RAD54L2: variants seen among roughly 807,000 people sequenced by gnomAD.
RAD54L2 encodes helicase ARIP4.
RAD54L2 carries 27 observed loss-of-function variants against 138.4 expected under a neutral mutation model. That is an observed-to-expected ratio of 0.20 (90% confidence interval 0.14 to 0.27). The LOEUF (loss-of-function observed/expected upper bound fraction) is 0.27, where lower values mean the gene tolerates loss of function less well. Ranked by LOEUF, RAD54L2 falls within the 10% of genes least tolerant of loss-of-function variation. The probability of loss-of-function intolerance (pLI) is 1.00; values close to 1 mark genes in which losing one functional copy is unlikely to be tolerated. For missense variants in RAD54L2, 1,396 were observed against 1,890.2 expected, an observed-to-expected ratio of 0.74 and a Z score of 4.85; for synonymous variants, 644 against 723.2, an observed-to-expected ratio of 0.89 and a Z score of 1.76.
intron 2 of RAD54L2, among the ~76,000 whole-genome samples, chr3:51,579,133 T>C (rs1050428915): frequency 6.6e-6 from 1 of 150,894 alleles, no homozygotes; most frequent in African/African-American, 2.4e-5. Flanking sequence ...CACACCTGCT[T>C]CTCCTCTCTC....
In RAD54L2 at chr3:51,630,386, A is replaced by G. The variant is rs759584593; in HGVS notation, c.596A>G (p.Asp199Gly). Residue 199 changes from aspartate to glycine, a missense_variant and splice_region_variant, in exon 6 of 23, where the codon GAT (aspartate) becomes GGT (glycine). Physicochemically the swap from Asp to Gly is moderately conservative, Grantham distance 94. Coordinates refer to ENST00000684192, the MANE Select transcript of RAD54L2 (RefSeq NM_015106.4). ...AGTGAGGATGAAAAAAGCAGTCGAG[A>G]TGGTAAGATCAAACCAGGTGCCTCC... ...SGSEDEKSSR[D>G]EVIELSSGEE... 1 of 1,612,898 alleles carries G rather than the reference A, an allele frequency of 6.2e-7. No homozygotes were observed.
chr3:51,629,216 C>A, intron 4 of RAD54L2, 118 bp from the exon 5 acceptor site: 1 of 1,156,282 alleles, frequency 8.6e-7, no homozygotes, highest in Non-Finnish European at 1.2e-6. Flanking sequence ...GCTGATGTGG[C>A]TTCTCCTTCT....
rs1701246507 is a variant in RAD54L2 at position 51,645,173 on chromosome 3, A to G, written c.2600A>G (p.Asp867Gly). Residue 867 changes from aspartate (D) to glycine (G), a missense_variant, in exon 17 of 23, where the codon GAT becomes GGT. Physicochemically the swap from Asp to Gly is moderately conservative, Grantham distance 94 (BLOSUM62 -1). Around this residue, in one of 7 missense-constraint regions of RAD54L2, gnomAD observed 78 missense variants for 171.6 expected, o/e 0.45. Coordinates refer to ENST00000684192, the MANE Select transcript of RAD54L2 (RefSeq NM_015106.4). The surrounding 1 kb of genome is among the most constrained non-coding windows in gnomAD (Gnocchi z 6.1). ...TGTTACATCTATCGCCTTGTGGCTG[A>G]TTACACTCTAGAAAAGAAGATCTAT... ...KPCYIYRLVA[D>G]YTLEKKIYDR... 1.2e-6 allele frequency: 2 copies of G among 1,613,760 alleles called. No homozygotes were observed. Among genetic ancestry groups the G allele is most frequent in the Non-Finnish European group, 8.5e-7 (1 of 1,179,872 alleles).
At chr3:51,564,108 T>G (rs966421724) in intron 2 of RAD54L2, among the ~76,000 whole-genome samples, 3 of 152,230 alleles carry the variant, frequency 2.0e-5, no homozygotes, top group Non-Finnish European at 4.4e-5. Context: ...ATACAAACCC[T>G]TCTCAAGGGT....
intron 3 of RAD54L2, among the ~76,000 whole-genome samples, chr3:51,601,647 T>A (rs1424030269): frequency 6.6e-6 from 1 of 152,010 alleles, no homozygotes; most frequent in Admixed American, 6.6e-5. Flanking sequence ...TTTCACCATG[T>A]TGGCCAGGCT....
At chr3:51,641,999 G>A in intron 15 of RAD54L2, 132 bp downstream of exon 15, 1 of 674,914 alleles carries the variant, frequency 1.5e-6, no homozygotes, top group Non-Finnish European at 2.6e-6. Context: ...AGGAGCAGGG[G>A]GATACTAAGA....
At chr3:51,579,858 A>C (rs972233055) in intron 2 of RAD54L2, among the ~76,000 whole-genome samples, 1 of 152,126 alleles carries the variant, frequency 6.6e-6, no homozygotes, top group Non-Finnish European at 1.5e-5. Flanking sequence ...CCATCTTCAA[A>C]CTTTCTGTTG....
chr3:51,644,242 T>C (rs1190758127), intron 16 of RAD54L2, among the ~76,000 whole-genome samples: 1 of 152,170 alleles, frequency 6.6e-6, no homozygotes, highest in East Asian at 1.9e-4. Context: ...GGAGGATTGC[T>C]TGAACCCAGG....
intron 2 of RAD54L2, among the ~76,000 whole-genome samples, chr3:51,571,300 C>G (rs999232125): frequency 6.6e-6 from 1 of 151,846 alleles, no homozygotes; most frequent in Non-Finnish European, 1.5e-5. Flanking sequence ...ATTTCCTGAC[C>G]ATAAGGTCCT....
chr3:51,607,062 CTTTT>C (rs947090463), intron 3 of RAD54L2, among the ~76,000 whole-genome samples: 1 of 138,890 alleles, frequency 7.2e-6, no homozygotes, highest in Non-Finnish European at 1.6e-5. Flanking sequence ...TTGGATTTCT[CTTTT>C]TATTTTTTTT....
intron 2 of RAD54L2, among the ~76,000 whole-genome samples, chr3:51,567,540 A>G (rs1699244637): frequency 6.6e-6 from 1 of 152,076 alleles, no homozygotes; most frequent in Non-Finnish European, 1.5e-5. Flanking sequence ...GACATACTTA[A>G]TCTTGGTTTG....
At chr3:51,594,232 C>A (rs1699906284) in intron 3 of RAD54L2, among the ~76,000 whole-genome samples, 2 of 151,946 alleles carry the variant, frequency 1.3e-5, no homozygotes, top group African/African-American at 2.4e-5. Flanking sequence ...CACCACTATG[C>A]CTGGCTAAGT....
chr3:51,668,375 T>G lies in RAD54L2; in HGVS notation c.*4955T>G, dbSNP rs542767063. ...TGGCACCTGGCTTTGGTTTTCCGTC[T>G]TCTTTCCTCAGGACGCCCCTGAGGC... On this transcript the variant is annotated 3_prime_UTR_variant, in exon 23 of 23. Coordinates refer to ENST00000684192, the MANE Select transcript of RAD54L2 (RefSeq NM_015106.4). 22 of 152,320 alleles carry G rather than the reference T, an allele frequency of 1.4e-4. No individual in the cohort carries two copies. The highest frequency in any genetic ancestry group is 4.6e-4 in the African/African-American group (19 of 41,552). 9.4% of individuals were successfully genotyped at this position (152,320 alleles called of 1,614,324 possible). A position where few individuals can be genotyped will look rare whatever the true frequency, so the allele number is the denominator to read the frequency against.
At chr3:51,592,535 A>G (rs1699860848) in intron 3 of RAD54L2, among the ~76,000 whole-genome samples, 1 of 152,030 alleles carries the variant, frequency 6.6e-6, no homozygotes, top group Non-Finnish European at 1.5e-5. Context: ...AGCCACAAAA[A>G]TAAAAGTAAT....
chr3:51,629,979 A>C (rs557644057), intron 5 of RAD54L2, among the ~76,000 whole-genome samples: 16 of 152,350 alleles, frequency 1.1e-4, no homozygotes, highest in Middle Eastern at 3.4e-3. Context: ...AAAATGAATA[A>C]AAATGTACTC....
chr3:51,602,234 G>T (rs1414961964), intron 3 of RAD54L2, among the ~76,000 whole-genome samples: 1 of 152,020 alleles, frequency 6.6e-6, no homozygotes, highest in African/African-American at 2.4e-5. Context: ...GTCTTTGTGG[G>T]GCATGTGCTT....
intron 3 of RAD54L2, among the ~76,000 whole-genome samples, chr3:51,610,955 T>A (rs867827891): frequency 6.6e-6 from 1 of 152,232 alleles, no homozygotes; most frequent in African/African-American, 2.4e-5. Flanking sequence ...CTTTAGTGAT[T>A]CTGAGGTTTC....
At position 51,662,667 on chromosome 3, in the gene RAD54L2, G is replaced by A. The variant is rs1410768263; in HGVS notation, c.3651G>A (p.Gly1217=). The stretch of plus-strand genomic sequence containing the variant: ...TTATGGACAGCAGTGCTGTTCCCGG[G>A]ACAGCTCTCGGAACTGAGCCTCGAC... The part of the protein sequence containing the change: ...AQLMDSSAVP[G]TALGTEPRLG... The change falls in exon 23 of 23, where the codon GGG becomes GGA. Residue 1217 remains glycine, a synonymous_variant. Coordinates refer to ENST00000684192, the MANE Select transcript of RAD54L2 (RefSeq NM_015106.4). The surrounding 1 kb of genome is among the most constrained non-coding windows in gnomAD (Gnocchi z 4.6). 2 of 1,613,576 alleles carry A rather than the reference G, an allele frequency of 1.2e-6. No homozygotes were observed. Among genetic ancestry groups the A allele is most frequent in the African/African-American group, 1.3e-5 (1 of 74,932 alleles).
At chr3:51,547,373 C>T (rs1698723791) in intron 2 of RAD54L2, among the ~76,000 whole-genome samples, 2 of 148,744 alleles carry the variant, frequency 1.3e-5, no homozygotes, top group African/African-American at 5.0e-5. Context: ...AAGACTCTGC[C>T]TCAAAAAAAA....
Sources: allele counts gnomAD v4.1 joint callset (sites outside exome capture counted in the v4.1 genomes callset), GRCh38; gene constraint gnomAD v4.1.1; regional missense constraint gnomAD v4.1.1; non-coding constraint Gnocchi (gnomAD v3.1); transcripts MANE v1.5; gene names NCBI Gene and HGNC (gene_info 2026-07-23, HGNC 2026-07-21).